PCDH11Y: variants seen among roughly 807,000 people sequenced by gnomAD.
The protein encoded by PCDH11Y is protocadherin-11 Y-linked.
For synonymous variants in PCDH11Y, 9 were observed against 83.6 expected (o/e 0.11, Z 4.87); for missense variants, 12 against 224.8 (o/e 0.05, Z 6.05).
At chrY:5,595,217 G>T in intron 4 of PCDH11Y, among the ~76,000 whole-genome samples, 4 of 21,584 alleles carry the variant, frequency 1.9e-4, no homozygotes, top group Non-Finnish European at 4.2e-4. Context: ...TCTGTTAGGA[G>T]TGCAGCAGCT....
chrY:5,659,733 G>T (rs2053539585), intron 4 of PCDH11Y, among the ~76,000 whole-genome samples: 1 of 26,618 alleles, frequency 3.8e-5, no homozygotes, highest in Admixed American at 3.9e-4. Context: ...TCTAGACCAG[G>T]ACTTGACACC....
At chrY:5,196,155 G>A in intron 2 of PCDH11Y, among the ~76,000 whole-genome samples, 1 of 33,343 alleles carries the variant, frequency 3.0e-5, no homozygotes, top group East Asian at 7.9e-4. Flanking sequence ...TGACTTTTAG[G>A]CTTAATGCAT....
intron 4 of PCDH11Y, among the ~76,000 whole-genome samples, chrY:5,674,530 A>G (rs2124708829): frequency 3.0e-5 from 1 of 33,822 alleles, no homozygotes; most frequent in Non-Finnish European, 7.4e-5. Flanking sequence ...TACTTCTTTT[A>G]AATATGTACC....
chrY:5,521,852 T>C (rs2053381313), intron 3 of PCDH11Y, among the ~76,000 whole-genome samples: 1 of 33,804 alleles, frequency 3.0e-5, no homozygotes, highest in African/African-American at 1.2e-4. Flanking sequence ...GAAATAGTAT[T>C]TGTTTTTTAT....
intron 1 of PCDH11Y, among the ~76,000 whole-genome samples, chrY:5,096,438 C>T (rs2052749966): frequency 6.6e-4 from 13 of 19,763 alleles, no homozygotes; most frequent in Non-Finnish European, 1.2e-3. Context: ...TTTAGATGTA[C>T]GTGTGTGTGT....
At chrY:5,624,464 C>T in intron 4 of PCDH11Y, among the ~76,000 whole-genome samples, 1 of 23,588 alleles carries the variant, frequency 4.2e-5, no homozygotes, top group Non-Finnish European at 9.4e-5. Flanking sequence ...CCAAGGCCTA[C>T]GTCCTGAGTG....
intron 2 of PCDH11Y, among the ~76,000 whole-genome samples, chrY:5,226,104 T>C: frequency 3.5e-4 from 8 of 22,991 alleles, no homozygotes; most frequent in Admixed American, 4.8e-4. Flanking sequence ...CTCTGCCAAC[T>C]GGGTTCAAGA....
intron 2 of PCDH11Y, among the ~76,000 whole-genome samples, chrY:5,495,731 G>A: frequency 3.0e-5 from 1 of 33,000 alleles, no homozygotes; most frequent in Non-Finnish European, 7.4e-5. Flanking sequence ...TCTATAATTA[G>A]AATCACAGGG....
At chrY:5,449,691 GT>G (rs2053291375) in intron 2 of PCDH11Y, among the ~76,000 whole-genome samples, 1 of 33,025 alleles carries the variant, frequency 3.0e-5, no homozygotes, top group Non-Finnish European at 7.5e-5. Context: ...TAACAAAAGG[GT>G]GAAAATGAAC....
intron 2 of PCDH11Y, among the ~76,000 whole-genome samples, chrY:5,165,509 A>T: frequency 3.1e-5 from 1 of 32,505 alleles, no homozygotes; most frequent in African/African-American, 1.2e-4. Context: ...AGTTTGTCAG[A>T]ATTTCCGTGA....
At chrY:5,088,977 G>C (rs1602860430) in intron 1 of PCDH11Y, among the ~76,000 whole-genome samples, 1 of 29,318 alleles carries the variant, frequency 3.4e-5, no homozygotes, top group Non-Finnish European at 7.9e-5. Context: ...AGGAAAGTAT[G>C]AGTCAGAGGT....
At chrY:5,332,655 T>C in intron 2 of PCDH11Y, among the ~76,000 whole-genome samples, 12 of 33,914 alleles carry the variant, frequency 3.5e-4, no homozygotes, top group Admixed American at 3.2e-3. Flanking sequence ...AAAACATACC[T>C]GGTTCAAAAT....
chrY:5,324,008 T>G, intron 2 of PCDH11Y, among the ~76,000 whole-genome samples: 3 of 32,288 alleles, frequency 9.3e-5, no homozygotes, highest in Admixed American at 5.8e-4. Context: ...GCAGGTCATA[T>G]GCTGAGCTAC....
chrY:5,289,465 C>G, intron 2 of PCDH11Y, among the ~76,000 whole-genome samples: 1 of 34,243 alleles, frequency 2.9e-5, no homozygotes, highest in Non-Finnish European at 7.4e-5. Flanking sequence ...GGTAGCTTCT[C>G]ATTTAGTTGC....
At chrY:5,638,064 C>T in intron 4 of PCDH11Y, among the ~76,000 whole-genome samples, 1 of 21,075 alleles carries the variant, frequency 4.7e-5, no homozygotes, top group Non-Finnish European at 1.1e-4. Context: ...TCACGCCATT[C>T]TCCTGCCTCA....
chrY:5,603,912 AAAGAAAGAAAG>A (rs2053476128), intron 4 of PCDH11Y, among the ~76,000 whole-genome samples: 2 of 29,187 alleles, frequency 6.9e-5, no homozygotes, highest in Non-Finnish European at 1.6e-4. Context: ...AGAAAGAAAG[AAAGAAAGAAAG>A]AAAAGAAAGA....
At chrY:5,334,288 G>A (rs2053134099) in intron 2 of PCDH11Y, among the ~76,000 whole-genome samples, 4 of 33,788 alleles carry the variant, frequency 1.2e-4, no homozygotes, top group Admixed American at 2.7e-4. Flanking sequence ...CTATAGTTTC[G>A]TTTCAGAGTC....
Position 5,377,571 on chromosome Y carries a change from G to A in PCDH11Y, c.3130-123486G>A, listed in dbSNP as rs2124673971. ...AATAAATGAATATTTTTATGTTTAT[G>A]CATATATGCATTCACAAAATACTGA... On this transcript the variant is annotated intron_variant, in intron 2 of 4. Transcript: ENST00000400457. Among the ~76,000 whole-genome samples the A allele has an allele frequency of 6.3e-4, 21 of 33,454 alleles. No individual in the cohort carries two copies. The South Asian group carries it at 0.013, about 21-fold the overall frequency. The allele number at this position is 33,454 out of a possible 37,273, so 89.8% of individuals were successfully genotyped here.
intron 3 of PCDH11Y, among the ~76,000 whole-genome samples, chrY:5,560,911 T>A: frequency 3.0e-5 from 1 of 33,413 alleles, no homozygotes; most frequent in South Asian, 6.6e-4. Context: ...GAATGGTAGA[T>A]CCACTGACAG....
Sources: gnomAD v4.1 joint callset for allele counts (sites outside exome capture counted in the v4.1 genomes callset) on GRCh38, gnomAD v4.1.1 for gene constraint, MANE v1.5 for transcripts, NCBI Gene and HGNC (gene_info 2026-07-23, HGNC 2026-07-21) for gene names.